The following JAGN1 variants were observed in gnomAD, a reference collection of about 807,000 sequenced individuals.
JAGN1 encodes the protein protein jagunal homolog 1.
JAGN1 carries 13 observed loss-of-function variants against 17.1 expected under a neutral mutation model. The ratio of observed to expected loss-of-function variants is 0.76; its 90% CI spans 0.49 to 1.21. The LOEUF (loss-of-function observed/expected upper bound fraction) is 1.21. Ranked by LOEUF, JAGN1 falls within the 50% of genes most tolerant of loss-of-function variation. JAGN1 has a pLI of 0.00. For synonymous variants in JAGN1, 111 were observed against 91.0 expected, an observed-to-expected ratio of 1.22 and a Z score of -1.25; for missense variants, 256 against 234.2, an observed-to-expected ratio of 1.09 and a Z score of -0.61.
In JAGN1 at chr3:9,893,159, A is replaced by G. The variant is rs762026143; in HGVS notation, c.334A>G (p.Ile112Val). The part of the protein sequence containing the change: ...LSMISMGLFS[I>V]APLIYGSMEM... Reference sequence around the variant, plus strand: ...CATGATCAGCATGGGACTCTTTTCCATCGCTCCACTCATTTATGGCAGCAT... The same window carrying G: ...CATGATCAGCATGGGACTCTTTTCCGTCGCTCCACTCATTTATGGCAGCAT... Residue 112 changes from isoleucine (I) to valine (V), a missense_variant, in exon 2 of 2, where the codon ATC becomes GTC. Ile to Val is a conservative substitution (Grantham distance 29, BLOSUM62 3). Coordinates refer to ENST00000647897, the MANE Select transcript of JAGN1 (RefSeq NM_032492.4). 32 of 1,614,018 alleles carry G rather than the reference A, an allele frequency of 2.0e-5. No homozygotes were observed. The highest frequency in any genetic ancestry group is 2.5e-5 in the Non-Finnish European group (29 of 1,180,038).
rs1457546133 is a variant in JAGN1, at chr3:9,890,811, G to C, written c.89G>C (p.Ser30Thr). ...CGCGTCGCCATGCACTACCAGATGA[G>C]GTATGAAGTGAGGCGAGGAGCACGG... ...RERVAMHYQMSVTLKYEIKKL... is the reference protein window; with the variant it reads ...RERVAMHYQMTVTLKYEIKKL... Residue 30 changes from serine to threonine, a missense_variant and splice_region_variant, in exon 1 of 2, where the codon AGT becomes ACT. Coordinates refer to ENST00000647897, the MANE Select transcript of JAGN1 (RefSeq NM_032492.4). 2 of 1,601,670 alleles carry C rather than the reference G, an allele frequency of 1.2e-6. No individual in the cohort carries two copies. Among genetic ancestry groups the C allele is most frequent in the Non-Finnish European group, 8.5e-7 (1 of 1,174,974 alleles).
At position 9,893,252 on chromosome 3, in the gene JAGN1, T is replaced by C; in HGVS notation, c.427T>C (p.Ser143Pro). Residue 143 changes from serine to proline, a missense_variant, in exon 2 of 2, where the codon TCT (serine) becomes CCT (proline). By Grantham distance (74) the Ser-to-Pro change is moderately conservative (BLOSUM62 -1). Transcript: ENST00000647897. ...GKAYRFLFGFSAVSIMYLVLV... is the reference protein window; with the variant it reads ...GKAYRFLFGFPAVSIMYLVLV... ...GGCCTACCGTTTCCTCTTTGGTTTT[T>C]CTGCCGTTTCCATCATGTACCTGGT... The C allele has an allele frequency of 6.2e-7, 1 of 1,614,240 alleles. No individual in the cohort carries two copies. The highest frequency in any genetic ancestry group is 8.5e-7 in the Non-Finnish European group (1 of 1,180,050).
At chr3:9,891,526 T>G (rs1417595418) in intron 1 of JAGN1, among the ~76,000 whole-genome samples, 3 of 152,016 alleles carry the variant, frequency 2.0e-5, no homozygotes, top group African/African-American at 7.2e-5. Context: ...TTCATGGAGC[T>G]TGAAGTCTAG....
chr3:9,892,803 T>A, intron 1 of JAGN1, 112 bp from the exon 2 acceptor site: 1 of 675,184 alleles, frequency 1.5e-6, no homozygotes, highest in Non-Finnish European at 2.6e-6. Context: ...TGTGTCCGGC[T>A]TCTAGGCTGT....
intron 1 of JAGN1, among the ~76,000 whole-genome samples, chr3:9,891,683 C>T (rs1223314755): frequency 6.6e-6 from 1 of 152,130 alleles, no homozygotes; most frequent in African/African-American, 2.4e-5. Context: ...TAAAGAATGA[C>T]AAGCTCTTTG....
rs2125061696 is a variant in JAGN1, at chr3:9,894,182, C to T, written c.*805C>T. On this transcript the variant is annotated 3_prime_UTR_variant, in exon 2 of 2. Transcript: ENST00000647897. The stretch of plus-strand genomic sequence containing the variant: ...TTATGAGTCTACTACTGTATAATGG[C>T]ATCCAAAAGAATTTTAAAGTACCTC... 1 of 152,270 alleles carries T rather than the reference C, an allele frequency of 6.6e-6. No homozygotes were observed. 9.4% of individuals were successfully genotyped at this position (152,270 alleles called of 1,614,324 possible).
chr3:9,893,405 C>T lies in JAGN1; in HGVS notation c.*28C>T, dbSNP rs2125061350. 5 of 1,533,808 alleles carry T rather than the reference C, an allele frequency of 3.3e-6. No homozygotes were observed. Among genetic ancestry groups the T allele is most frequent in the African/African-American group, 1.4e-5 (1 of 72,462 alleles). On this transcript the variant is annotated 3_prime_UTR_variant, in exon 2 of 2. Transcript: ENST00000647897. Reference sequence around the variant, plus strand: ...CCTCTTTGGGGTGAAGCCTGGACATCCCATCGAATGAAAGGACACTAGTAC... The same window carrying T: ...CCTCTTTGGGGTGAAGCCTGGACATTCCATCGAATGAAAGGACACTAGTAC...
Position 9,893,216 on chromosome 3 carries a change from C to T in JAGN1, c.391C>T (p.Arg131Cys), listed in dbSNP as rs150551876. The T allele has an allele frequency of 9.3e-6, 15 of 1,614,086 alleles. No homozygotes were observed. Among genetic ancestry groups the T allele is most frequent in the African/African-American group, 6.7e-5 (5 of 74,906 alleles). ...EMFPAAQQLYRHGKAYRFLFG... is the reference protein window; with the variant it reads ...EMFPAAQQLYCHGKAYRFLFG... Reference sequence around the variant, plus strand: ...GTTCCCTGCTGCACAGCAGCTCTACCGCCATGGCAAGGCCTACCGTTTCCT... The same window carrying T: ...GTTCCCTGCTGCACAGCAGCTCTACTGCCATGGCAAGGCCTACCGTTTCCT... Residue 131 changes from arginine to cysteine, a missense_variant, in exon 2 of 2, where the codon CGC (arginine) becomes TGC (cysteine). Physicochemically the swap from Arg to Cys is radical, Grantham distance 180. Transcript: ENST00000647897.
Position 9,893,368 on chromosome 3 carries a change from G to A in JAGN1, c.543G>A (p.Lys181=), listed in dbSNP as rs999050315. 1 of 1,609,418 alleles carries A rather than the reference G, an allele frequency of 6.2e-7. No homozygotes were observed. Among genetic ancestry groups the A allele is most frequent in the Non-Finnish European group, 8.5e-7 (1 of 1,177,744 alleles). The part of the protein sequence containing the change: ...DSWFTSTQEK[K]HK ...GGTTCACCAGCACACAGGAGAAGAA[G>A]CATAAATGAAGCCTCTTTGGGGTGA... The change falls in exon 2 of 2, where the codon AAG becomes AAA. Residue 181 remains lysine (K), a synonymous_variant. Transcript: ENST00000647897.
intron 1 of JAGN1, among the ~76,000 whole-genome samples, chr3:9,892,511 T>TACCC (rs1190973767): frequency 1.3e-5 from 2 of 152,204 alleles, no homozygotes; most frequent in East Asian, 3.9e-4. Flanking sequence ...CATATCCCAC[T>TACCC]ACCCCTCTCC....
chr3:9,891,407 C>T (rs571786988), intron 1 of JAGN1, among the ~76,000 whole-genome samples: 4 of 152,226 alleles, frequency 2.6e-5, no homozygotes, highest in African/African-American at 9.6e-5. Flanking sequence ...ACATCATACA[C>T]TGCTAGACAC....
In JAGN1 at chr3:9,893,179, C is replaced by T; in HGVS notation, c.354C>T (p.Gly118=). 4 of 1,614,250 alleles carry T rather than the reference C, an allele frequency of 2.5e-6. No individual in the cohort carries two copies. The highest frequency in any genetic ancestry group is 3.4e-6 in the Non-Finnish European group (4 of 1,180,048). ...GLFSIAPLIY[G]SMEMFPAAQQ... is the part of the protein sequence containing the mutation. ...TTTCCATCGCTCCACTCATTTATGG[C>T]AGCATGGAGATGTTCCCTGCTGCAC... is the stretch of plus-strand genomic sequence containing the variant. The change falls in exon 2 of 2, where the codon GGC becomes GGT. Residue 118 remains glycine, a synonymous_variant. Coordinates refer to ENST00000647897, the MANE Select transcript of JAGN1 (RefSeq NM_032492.4).
chr3:9,893,290 A>G lies in JAGN1; in HGVS notation c.465A>G (p.Ala155=), dbSNP rs2082575616. ...VSIMYLVLVL[A]VQVHAWQLYY... ...TCATGTACCTGGTGTTGGTGTTGGC[A>G]GTGCAAGTGCATGCCTGGCAGTTGT... The change falls in exon 2 of 2, where the codon GCA becomes GCG. Residue 155 remains alanine (A), a synonymous_variant. Coordinates refer to ENST00000647897, the MANE Select transcript of JAGN1 (RefSeq NM_032492.4). 6.2e-7 allele frequency: 1 copy of G among 1,614,104 alleles called. No individual in the cohort carries two copies. The highest frequency in any genetic ancestry group is 1.3e-5 in the African/African-American group (1 of 74,938).
chr3:9,892,754 T>C, intron 1 of JAGN1, 161 bp from the exon 2 acceptor site: 1 of 601,050 alleles, frequency 1.7e-6, no homozygotes, highest in Non-Finnish European at 3.0e-6. Context: ...TAGAACTTTT[T>C]CACTTCATTT....
rs770414083 is a variant in JAGN1 at position 9,893,016 on chromosome 3, C to G, written c.191C>G (p.Ser64Ter). The G allele has an allele frequency of 1.2e-5, 19 of 1,614,060 alleles. No individual in the cohort carries two copies. The African/African-American group carries it at 2.4e-4, about 20-fold the overall frequency. Reference sequence around the variant, plus strand: ...AGCGTGGGACACCTGAGGCTCTTGTCACATGATCAGGTGGCCATGCCCTAT... The same window carrying G: ...AGCGTGGGACACCTGAGGCTCTTGTGACATGATCAGGTGGCCATGCCCTAT... ...KMSVGHLRLL[S>*]HDQVAMPYQW... Residue 64 changes from serine (S) to a stop codon, truncating the protein, a stop_gained, in exon 2 of 2, where the codon TCA (serine) becomes TGA (stop). Transcript: ENST00000647897. LOFTEE classifies it high-confidence loss of function.
chr3:9,890,648 G>A lies in JAGN1; in HGVS notation c.-75G>A, dbSNP rs1391782013. 3.6e-6 allele frequency: 5 copies of A among 1,406,930 alleles called. No individual in the cohort carries two copies. The South Asian group carries it at 5.1e-5, about 14-fold the overall frequency. 87.2% of individuals were successfully genotyped at this position (1,406,930 alleles called of 1,614,324 possible). ...CGCGCGGCTGCGGGGGCGCAAATAG[G>A]GTCAGTGGGCCGCTTGGCGGTGTCG... On this transcript the variant is annotated 5_prime_UTR_variant, in exon 1 of 2. Transcript: ENST00000647897.
chr3:9,891,042 C>CGCGTGGGCTCCCGCCCT lies in JAGN1; in HGVS notation c.89+245_89+261dup, dbSNP rs549718393. Reference sequence around the variant, plus strand: ...CCGGTGCCTTGAGGGGATCCAGCCCCGCGTGGGCTCCCGCCCTGCGTGGGC... The same window carrying CGCGTGGGCTCCCGCCCT: ...CCGGTGCCTTGAGGGGATCCAGCCCCGCGTGGGCTCCCGCCCTGCGTGGGCTCCCGCCCTGCGTGGGC... On this transcript the variant is annotated intron_variant, in intron 1 of 1. Transcript: ENST00000647897. 1.9e-4 allele frequency among the ~76,000 whole-genome samples: 29 copies of CGCGTGGGCTCCCGCCCT among 152,342 alleles called. No homozygotes were observed. The South Asian group carries it at 3.5e-3, about 18-fold the overall frequency.
chr3:9,892,633 G>A (rs938580278), intron 1 of JAGN1, among the ~76,000 whole-genome samples: 2 of 152,022 alleles, frequency 1.3e-5, no homozygotes, highest in Non-Finnish European at 2.9e-5. Context: ...ACTCATTCCT[G>A]AGCCTAGTTC....
rs2082581369 is a variant in JAGN1, at chr3:9,894,108, C to G, written c.*731C>G. ...TATCTACCTTAGGTTATGGGCTCTT[C>G]TTTTAGTTGGATATTCACATTTATC... On this transcript the variant is annotated 3_prime_UTR_variant, in exon 2 of 2. Coordinates refer to ENST00000647897, the MANE Select transcript of JAGN1 (RefSeq NM_032492.4). 6.6e-6 allele frequency: 1 copy of G among 152,216 alleles called. No homozygotes were observed. The highest frequency in any genetic ancestry group is 1.5e-5 in the Non-Finnish European group (1 of 68,050). The allele number at this position is 152,216 out of a possible 1,614,324, so 9.4% of individuals were successfully genotyped here. A position where few individuals can be genotyped will look rare whatever the true frequency, so the allele number is the denominator to read the frequency against.
Sources: allele counts gnomAD v4.1 joint callset (sites outside exome capture counted in the v4.1 genomes callset), GRCh38; gene constraint gnomAD v4.1.1; transcripts MANE v1.5; gene names NCBI Gene and HGNC (gene_info 2026-07-23, HGNC 2026-07-21).